The following KIF4A variants were observed in gnomAD, a reference collection of about 807,000 sequenced individuals.
KIF4A encodes the protein chromosome-associated kinesin KIF4A.
KIF4A carries 7 observed loss-of-function variants against 105.9 expected under a neutral mutation model. The observed-to-expected ratio is 0.07, with a 90% CI of 0.04 to 0.12. The LOEUF (loss-of-function observed/expected upper bound fraction) is 0.12. Among genes scored for constraint, KIF4A ranks in the 10% least tolerant of loss-of-function variants. KIF4A has a pLI of 1.00. For synonymous variants in KIF4A, 281 were observed against 331.3 expected (o/e 0.85, Z 1.65); for missense variants, 558 against 929.2 (o/e 0.60, Z 5.19).
At chrX:70,295,303 G>A (rs1174238712) in intron 3 of KIF4A, among the ~76,000 whole-genome samples, 1 of 109,573 alleles carries the variant, frequency 9.1e-6, no homozygotes. Flanking sequence ...AGCCTCCCGA[G>A]TAGCTGGGAC....
intron 13 of KIF4A, among the ~76,000 whole-genome samples, chrX:70,347,685 A>G (rs1254666567): frequency 9.1e-6 from 1 of 110,325 alleles, no homozygotes; most frequent in Admixed American, 9.7e-5. Flanking sequence ...CTTTTTAAGA[A>G]TGATTTAGGG....
intron 15 of KIF4A, among the ~76,000 whole-genome samples, chrX:70,369,740 T>A (rs1379041316): frequency 8.9e-6 from 1 of 111,738 alleles, no homozygotes; most frequent in African/African-American, 3.2e-5. Flanking sequence ...GAATAACATA[T>A]ATATATATAA....
chrX:70,374,441 A>T (rs2086166888), intron 16 of KIF4A, among the ~76,000 whole-genome samples, 187 bp downstream of exon 16: 1 of 112,151 alleles, frequency 8.9e-6, no homozygotes. Context: ...TTGACAGTAA[A>T]AGAATGTCAT....
intron 7 of KIF4A, among the ~76,000 whole-genome samples, chrX:70,309,273 G>A (rs1197826882): frequency 1.8e-5 from 2 of 111,929 alleles, no homozygotes; most frequent in African/African-American, 6.5e-5. Context: ...TTTTAGTCTT[G>A]CCTCTCTTGA....
At chrX:70,341,546 C>A (rs921095126) in intron 10 of KIF4A, among the ~76,000 whole-genome samples, 1 of 111,357 alleles carries the variant, frequency 9.0e-6, no homozygotes, top group Non-Finnish European at 1.9e-5. Flanking sequence ...CTGTTGCAAC[C>A]GTATCTGGCT....
chrX:70,354,190 C>G (rs1298295409), intron 15 of KIF4A, among the ~76,000 whole-genome samples: 1 of 112,759 alleles, frequency 8.9e-6, no homozygotes, highest in Non-Finnish European at 1.9e-5. Context: ...CATGACTTGA[C>G]AAATGGCTAA....
At chrX:70,291,811 T>G (rs2085762358) in intron 3 of KIF4A, among the ~76,000 whole-genome samples, 1 of 111,743 alleles carries the variant, frequency 8.9e-6, no homozygotes. Context: ...TCACAGGTAG[T>G]CCAGTTGAGA....
intron 11 of KIF4A, among the ~76,000 whole-genome samples, chrX:70,342,361 T>C (rs377330740): frequency 1.8e-5 from 2 of 112,223 alleles, no homozygotes; most frequent in East Asian, 5.6e-4. Context: ...GCTGCCATGG[T>C]GAGATACAAC....
chrX:70,370,661 C>T (rs1216152635), intron 15 of KIF4A, among the ~76,000 whole-genome samples: 1 of 109,960 alleles, frequency 9.1e-6, no homozygotes, highest in African/African-American at 3.3e-5. Context: ...GTAGTTTGGG[C>T]GTGGTGGCTC....
chrX:70,415,837 G>T (rs1191815269), intron 28 of KIF4A, among the ~76,000 whole-genome samples: 2 of 104,094 alleles, frequency 1.9e-5, no homozygotes, highest in African/African-American at 3.5e-5. Flanking sequence ...AAATTATGGT[G>T]CCCTAAAATA....
intron 11 of KIF4A, among the ~76,000 whole-genome samples, chrX:70,342,151 C>T (rs948733211): frequency 2.8e-4 from 31 of 112,305 alleles, no homozygotes; most frequent in African/African-American, 9.7e-4. Flanking sequence ...TATGTATCTA[C>T]CACAAAGAAT....
intron 4 of KIF4A, among the ~76,000 whole-genome samples, chrX:70,297,873 C>T (rs1294104375): frequency 8.9e-6 from 1 of 111,845 alleles, no homozygotes; most frequent in Admixed American, 9.5e-5. Context: ...AATAATTAAA[C>T]TTATATAATT....
chrX:70,334,896 C>G (rs190448810), intron 10 of KIF4A, among the ~76,000 whole-genome samples: 171 of 111,425 alleles, frequency 1.5e-3, no homozygotes, highest in Middle Eastern at 9.4e-3. Flanking sequence ...AAGGTGTTGG[C>G]AAGGATGTGA....
intron 11 of KIF4A, 95 bp downstream of exon 11, chrX:70,342,026 A>G (rs1365845906): frequency 9.5e-7 from 1 of 1,053,085 alleles, no homozygotes; most frequent in East Asian, 3.1e-5. Flanking sequence ...GAGACAGGTT[A>G]TATTGAAAGA....
At chrX:70,310,277 T>A (rs1479761735) in intron 7 of KIF4A, among the ~76,000 whole-genome samples, 1 of 108,204 alleles carries the variant, frequency 9.2e-6, no homozygotes, top group Non-Finnish European at 1.9e-5. Flanking sequence ...TTTTGCATGT[T>A]CTTAGACTTC....
intron 15 of KIF4A, among the ~76,000 whole-genome samples, chrX:70,367,611 A>G (rs2086110267): frequency 8.9e-6 from 1 of 112,247 alleles, no homozygotes; most frequent in Admixed American, 9.5e-5. Context: ...AATTTCTGCC[A>G]AGAGATCAGC....
intron 20 of KIF4A, among the ~76,000 whole-genome samples, chrX:70,394,218 T>C (rs2086250851): frequency 9.3e-6 from 1 of 107,429 alleles, no homozygotes; most frequent in Admixed American, 1.0e-4. Flanking sequence ...TTTTTTTTTT[T>C]CCATAGACAG....
intron 5 of KIF4A, among the ~76,000 whole-genome samples, chrX:70,301,644 C>T (rs2085804805): frequency 9.0e-6 from 1 of 111,357 alleles, no homozygotes; most frequent in Non-Finnish European, 1.9e-5. Context: ...CCATTGCTAC[C>T]CTAAAATCTT....
At chrX:70,364,862 T>C (rs866140389) in intron 15 of KIF4A, among the ~76,000 whole-genome samples, 76 of 112,068 alleles carry the variant, frequency 6.8e-4, no homozygotes, top group African/African-American at 2.3e-3. Flanking sequence ...TATTGATTCT[T>C]CCTACCCATG....
Sources: gnomAD v4.1 joint callset for allele counts (sites outside exome capture counted in the v4.1 genomes callset) on GRCh38, gnomAD v4.1.1 for gene constraint, MANE v1.5 for transcripts, NCBI Gene and HGNC (gene_info 2026-07-23, HGNC 2026-07-21) for gene names.